The following PTPRN2 variants were observed in gnomAD, a reference collection of about 807,000 sequenced individuals.
The protein encoded by PTPRN2 is protein tyrosine phosphatase receptor type N2.
A neutral mutation model predicts 118.8 loss-of-function variants in PTPRN2; 74 were observed. The ratio of observed to expected loss-of-function variants is 0.62; its 90% CI spans 0.52 to 0.76. PTPRN2 has a LOEUF of 0.76. Ranked by LOEUF, PTPRN2 falls within the 30% of genes least tolerant of loss-of-function variation. The pLI, the probability that PTPRN2 is intolerant of heterozygous loss-of-function variation, is 0.00. For synonymous variants in PTPRN2, 641 were observed against 608.0 expected (o/e 1.05, Z -0.80); for missense variants, 1,481 against 1,394.4 (o/e 1.06, Z -0.99).
intron 3 of PTPRN2, among the ~76,000 whole-genome samples, chr7:158,279,514 A>G (rs192110078): frequency 6.6e-6 from 1 of 152,318 alleles, no homozygotes; most frequent in Non-Finnish European, 1.5e-5. Context: ...GGGAAGCGAG[A>G]AAGAGACAGA....
chr7:158,316,916 C>G lies in PTPRN2; in HGVS notation c.180G>C (p.Arg60Ser). The G allele has an allele frequency of 6.2e-7, 1 of 1,611,812 alleles. No individual in the cohort carries two copies. The highest frequency in any genetic ancestry group is 1.1e-5 in the South Asian group (1 of 91,004). ...EACVNDGVFG[R>S]CQKVPAMDFY... is the part of the protein sequence containing the mutation. ...AGTCCATTGCCGGAACCTTCTGGCACCTTCCAAACACTCCATCTGTGAGAA... is the reference window on the plus strand; with the variant it reads ...AGTCCATTGCCGGAACCTTCTGGCAGCTTCCAAACACTCCATCTGTGAGAA... The change falls in exon 3 of 23, where the codon AGG becomes AGC. Residue 60 changes from arginine (R) to serine (S), a missense_variant. Physicochemically the swap from Arg to Ser is moderately radical, Grantham distance 110. Around this residue, in one of 3 missense-constraint regions of PTPRN2, gnomAD observed 1,115 missense variants for 994.2 expected, o/e 1.12. Transcript: ENST00000389418.
At position 157,690,561 on chromosome 7, in the gene PTPRN2, G is replaced by A. The variant is rs929415979; in HGVS notation, c.1789-7624C>T. Among the ~76,000 whole-genome samples, 1 of 151,774 alleles carries A rather than the reference G, an allele frequency of 6.6e-6. No individual in the cohort carries two copies. The highest frequency in any genetic ancestry group is 2.4e-5 in the African/African-American group (1 of 41,360). ...CGGCACCCCTGGTTACCTGCAGCTG[G>A]GCCGGCGCCCAGCGCCCGCGCGGGA... On this transcript the variant is annotated intron_variant, in intron 12 of 22. Transcript: ENST00000389418. This position sits in a 1 kb window ranked among gnomAD's most constrained non-coding sequence, Gnocchi z 7.1.
chr7:157,782,520 A>G (rs1050050785), intron 12 of PTPRN2, among the ~76,000 whole-genome samples: 3 of 152,232 alleles, frequency 2.0e-5, no homozygotes, highest in Admixed American at 1.3e-4. Context: ...GGGTCAACCT[A>G]TGAAATCACA....
chr7:157,578,159 C>A lies in PTPRN2; in HGVS notation c.2497-19G>T. 2 of 1,596,344 alleles carry A rather than the reference C, an allele frequency of 1.3e-6. No homozygotes were observed. The highest frequency in any genetic ancestry group is 8.6e-7 in the Non-Finnish European group (1 of 1,168,850). On this transcript the variant is annotated intron_variant, in intron 17 of 22. Coordinates refer to ENST00000389418, the MANE Select transcript of PTPRN2 (RefSeq NM_002847.5). ...ACACCATCTGCGGACAAAGAAGGCC[C>A]GTGGCCGCGGTGTGACTGTCTCATC...
chr7:158,188,418 CCTGATGGGGAAG>C (rs1365568608), intron 5 of PTPRN2, among the ~76,000 whole-genome samples: 1 of 26,020 alleles, frequency 3.8e-5, no homozygotes, highest in Non-Finnish European at 7.1e-5. Flanking sequence ...ACGCTCGCCC[CCTGATGGGGAAG>C]GCCGCCACGC....
chr7:157,868,904 T>C lies in PTPRN2; in HGVS notation c.1788+29769A>G, dbSNP rs1810885000. Reference sequence around the variant, plus strand: ...ATTTAGCATTGCCTAGCACCAGTGGTGAGGCCAGGCCTCCCGCGCCCTCCA... The same window carrying C: ...ATTTAGCATTGCCTAGCACCAGTGGCGAGGCCAGGCCTCCCGCGCCCTCCA... On this transcript the variant is annotated intron_variant, in intron 12 of 22. Transcript: ENST00000389418. The surrounding 1 kb of genome is among the most constrained non-coding windows in gnomAD (Gnocchi z 5.2). 6.6e-6 allele frequency: 1 copy of C among 152,186 alleles called. No individual in the cohort carries two copies. Among genetic ancestry groups the C allele is most frequent in the African/African-American group, 2.4e-5 (1 of 41,454 alleles). The allele number at this position is 152,186 out of a possible 1,614,324, so 9.4% of individuals were successfully genotyped here.
Position 157,721,480 on chromosome 7 carries a change from G to A in PTPRN2, c.1789-38543C>T, listed in dbSNP as rs78316118. On this transcript the variant is annotated intron_variant, in intron 12 of 22. Coordinates refer to ENST00000389418, the MANE Select transcript of PTPRN2 (RefSeq NM_002847.5). ...CCATGCCAAAGCATCTCCACACGTC[G>A]AGAGCTTCGGATGTGCACAGCTGCG... Among the ~76,000 whole-genome samples, 428 of 152,326 alleles carry A rather than the reference G, an allele frequency of 2.8e-3. 8 individuals are homozygous for A. Among genetic ancestry groups the A allele is most frequent in the East Asian group, 5.4e-3 (28 of 5,176 alleles).
intron 6 of PTPRN2, among the ~76,000 whole-genome samples, chr7:158,151,600 G>C (rs575719246): frequency 6.6e-6 from 1 of 151,862 alleles, no homozygotes; most frequent in Non-Finnish European, 1.5e-5. Context: ...TATGAGCCAC[G>C]CCCTCCCCTT....
At chr7:158,221,131 C>T (rs1828334194) in intron 3 of PTPRN2, among the ~76,000 whole-genome samples, 1 of 152,000 alleles carries the variant, frequency 6.6e-6, no homozygotes, top group Non-Finnish European at 1.5e-5. Context: ...ACTCCCTATT[C>T]AATAAATGGT....
chr7:158,085,382 G>A (rs1187954538), intron 10 of PTPRN2, among the ~76,000 whole-genome samples: 30 of 11,794 alleles, frequency 2.5e-3, no homozygotes, highest in Admixed American at 4.5e-3. Flanking sequence ...ATCCACACAT[G>A]CCCATCCACA....
At chr7:158,035,157 G>C (rs1265387802) in intron 11 of PTPRN2, among the ~76,000 whole-genome samples, 1 of 152,214 alleles carries the variant, frequency 6.6e-6, no homozygotes, top group East Asian at 1.9e-4. Context: ...TCACGATAGT[G>C]TGTTTACACG....
At chr7:158,543,936 C>G (rs1427996782) in intron 1 of PTPRN2, among the ~76,000 whole-genome samples, 1 of 152,254 alleles carries the variant, frequency 6.6e-6, no homozygotes, top group Non-Finnish European at 1.5e-5. Context: ...CAGCTCCGCA[C>G]TGTGGGTGGA....
intron 12 of PTPRN2, among the ~76,000 whole-genome samples, chr7:157,849,071 G>A (rs1377897772): frequency 6.6e-6 from 1 of 152,152 alleles, no homozygotes; most frequent in Non-Finnish European, 1.5e-5. Context: ...CAGCGTGGCT[G>A]GCGTCCAGGA....
rs150519493 is a variant in PTPRN2, at chr7:158,304,055, T to C, written c.277+12764A>G. ...ATGTGCACAGGCTTGGATTTCTACATGCTAGGGAGGCATAAGACACCCATC... is the reference window on the plus strand; with the variant it reads ...ATGTGCACAGGCTTGGATTTCTACACGCTAGGGAGGCATAAGACACCCATC... On this transcript the variant is annotated intron_variant, in intron 3 of 22. Coordinates refer to ENST00000389418, the MANE Select transcript of PTPRN2 (RefSeq NM_002847.5). Among the ~76,000 whole-genome samples the C allele has an allele frequency of 3.1e-3, 467 of 151,950 alleles. 2 individuals are homozygous for C. Among genetic ancestry groups the C allele is most frequent in the African/African-American group, 0.01 (432 of 41,394 alleles).
intron 12 of PTPRN2, among the ~76,000 whole-genome samples, chr7:157,758,155 G>C (rs1801914050): frequency 6.6e-6 from 1 of 152,256 alleles, no homozygotes; most frequent in Admixed American, 6.5e-5. Context: ...TCCCGGCGTG[G>C]CTGCAGTGGG....
chr7:158,400,063 G>C (rs1812817038), intron 2 of PTPRN2, among the ~76,000 whole-genome samples: 2 of 152,198 alleles, frequency 1.3e-5, no homozygotes, highest in Admixed American at 1.3e-4. Flanking sequence ...ATACTGGGGT[G>C]AGGAGAGGAA....
chr7:157,885,519 T>C (rs1047382979), intron 12 of PTPRN2, among the ~76,000 whole-genome samples: 1 of 152,110 alleles, frequency 6.6e-6, no homozygotes, highest in African/African-American at 2.4e-5. Flanking sequence ...CAAGCCAAGT[T>C]CCTCCTGCTG....
Position 158,587,754 on chromosome 7 carries a change from C to T in PTPRN2, c.-85G>A. ...CCGAGTCCGGGCCCAGGGAGGCGCG[C>T]GCCGCCGGCTCCTCCCGCCGCGCCT... On this transcript the variant is annotated 5_prime_UTR_variant, in exon 1 of 23. Transcript: ENST00000389418. 1.9e-6 allele frequency: 2 copies of T among 1,062,246 alleles called. No homozygotes were observed. Among genetic ancestry groups the T allele is most frequent in the Non-Finnish European group, 2.3e-6 (2 of 881,914 alleles). 65.8% of individuals were successfully genotyped at this position (1,062,246 alleles called of 1,614,324 possible). A position where few individuals can be genotyped will look rare whatever the true frequency, so the allele number is the denominator to read the frequency against.
At chr7:157,644,001 T>C (rs1430152875) in intron 14 of PTPRN2, among the ~76,000 whole-genome samples, 1 of 152,224 alleles carries the variant, frequency 6.6e-6, no homozygotes, top group Non-Finnish European at 1.5e-5. Flanking sequence ...GGGCCTCTCA[T>C]GCGCTACAAG....
Sources: gnomAD v4.1 joint callset for allele counts (sites outside exome capture counted in the v4.1 genomes callset) on GRCh38, gnomAD v4.1.1 for gene constraint, gnomAD v4.1.1 regional missense constraint, Gnocchi (gnomAD v3.1) non-coding constraint, MANE v1.5 for transcripts, NCBI Gene and HGNC (gene_info 2026-07-23, HGNC 2026-07-21) for gene names.